NLRP13: variants seen among roughly 807,000 people sequenced by gnomAD.
NLRP13 encodes the protein NACHT, LRR and PYD domains-containing protein 13.
In NLRP13, 82 loss-of-function variants were observed where a neutral mutation model predicts 94.4. The ratio of observed to expected loss-of-function variants is 0.87; its 90% CI spans 0.73 to 1.04. The LOEUF (loss-of-function observed/expected upper bound fraction) is 1.04. NLRP13 is among the 50% of genes least tolerant of loss of function. The pLI is 0.00. For synonymous variants in NLRP13, 553 were observed against 464.7 expected (o/e 1.19, Z -2.45); for missense variants, 1,426 against 1,230.8 (o/e 1.16, Z -2.37).
intron 3 of NLRP13, 41 bp downstream of exon 3, chr19:55,924,549 A>C: frequency 5.6e-6 from 8 of 1,438,090 alleles, no homozygotes; most frequent in Non-Finnish European, 7.8e-6. Flanking sequence ...CGAGTGTTCC[A>C]TCAAGCAACC....
rs896689359 is a variant in NLRP13, at chr19:55,932,246, C to T, written c.66G>A (p.Met22Ile). Residue 22 changes from methionine to isoleucine, a missense_variant, in exon 1 of 11, where the codon ATG (methionine) becomes ATA (isoleucine). Met to Ile is a conservative substitution (Grantham distance 10). Coordinates refer to ENST00000342929, the MANE Select transcript of NLRP13 (RefSeq NM_176810.2). ...CCTCCAGCTGATACTGATCCAGGGC[C>T]ATCAGGTAAGGCAGAAGCCCTTGGT... ...GTNQGLLPYL[M>I]ALDQYQLEEF... The T allele has an allele frequency of 1.2e-6, 2 of 1,612,786 alleles. No homozygotes were observed. The highest frequency in any genetic ancestry group is 1.7e-6 in the Non-Finnish European group (2 of 1,179,672).
At chr19:55,913,548 C>CAAAAAAAAAAAAAAGA (rs1986594874) in intron 4 of NLRP13, among the ~76,000 whole-genome samples, 1 of 52,056 alleles carries the variant, frequency 1.9e-5, no homozygotes, top group East Asian at 6.8e-4. Flanking sequence ...GACTCCGTCT[C>CAAAAAAAAAAAAAAGA]AAAAAAAAAA....
chr19:55,915,252 G>A (rs369570314), intron 4 of NLRP13, among the ~76,000 whole-genome samples: 13 of 152,272 alleles, frequency 8.5e-5, no homozygotes, highest in South Asian at 4.1e-4. Flanking sequence ...AAGGAGGTTC[G>A]AGATGGCTGA....
At position 55,911,903 on chromosome 19, in the gene NLRP13, A is replaced by G; in HGVS notation, c.1914T>C (p.Leu638=). The change falls in exon 5 of 11, where the codon CTT becomes CTC. Residue 638 remains leucine (L), a synonymous_variant. Transcript: ENST00000342929. The stretch of plus-strand genomic sequence containing the variant: ...CCTGGGACTCGTGTAGGCAGTGAAA[A>G]AGTCGTAGAATGTGAAATTGGAGAG... ...SASLQFHILR[L]FHCLHESQEE... is the part of the protein sequence containing the mutation. 6.2e-7 allele frequency: 1 copy of G among 1,614,158 alleles called. No individual in the cohort carries two copies. Among genetic ancestry groups the G allele is most frequent in the East Asian group, 2.2e-5 (1 of 44,888 alleles).
intron 9 of NLRP13, among the ~76,000 whole-genome samples, chr19:55,901,423 A>AGAGAGGG (rs1174315754): frequency 5.3e-5 from 8 of 152,232 alleles, no homozygotes; most frequent in South Asian, 4.1e-4. Flanking sequence ...AGAGTAAGGG[A>AGAGAGGG]GAGAGGGGAG....
intron 1 of NLRP13, among the ~76,000 whole-genome samples, chr19:55,929,209 C>T (rs1987043858): frequency 6.6e-6 from 1 of 152,168 alleles, no homozygotes; most frequent in Non-Finnish European, 1.5e-5. Context: ...TTGTGGAAGA[C>T]AGTGTGGCGA....
intron 6 of NLRP13, 102 bp from the exon 7 acceptor site, chr19:55,908,058 G>C: frequency 1.0e-6 from 1 of 975,080 alleles, no homozygotes; most frequent in Non-Finnish European, 1.5e-6. Context: ...TCACTGCCAA[G>C]GTTATACACG....
intron 9 of NLRP13, 118 bp downstream of exon 9, chr19:55,901,917 C>T: frequency 9.4e-7 from 1 of 1,061,106 alleles, no homozygotes; most frequent in Non-Finnish European, 1.3e-6. Flanking sequence ...AGAAGCTCCT[C>T]CATGGCAAAG....
intron 1 of NLRP13, among the ~76,000 whole-genome samples, chr19:55,928,000 T>G (rs529634634): frequency 2.0e-5 from 3 of 152,276 alleles, no homozygotes. Flanking sequence ...GAAATACTCA[T>G]GGTACAGTTT....
At chr19:55,895,425 G>A (rs1985980279), downstream of NLRP13, among the ~76,000 whole-genome samples, 1 of 151,640 alleles carries the variant, frequency 6.6e-6, no homozygotes, top group South Asian at 2.1e-4. Context: ...GCTCATGCCT[G>A]TAATCCCAGC....
At chr19:55,922,052 CAA>C (rs1292890117) in intron 4 of NLRP13, among the ~76,000 whole-genome samples, 2 of 152,248 alleles carry the variant, frequency 1.3e-5, no homozygotes, top group African/African-American at 4.8e-5. Context: ...AAAGCAGGAG[CAA>C]AGACACAACT....
chr19:55,905,250 G>A, intron 7 of NLRP13, 138 bp from the exon 8 acceptor site: 2 of 991,550 alleles, frequency 2.0e-6, no homozygotes, highest in Non-Finnish European at 2.9e-6. Flanking sequence ...GCTTAAAGAA[G>A]GAGAAAAAGG....
chr19:55,895,736 C>T (rs1408711739), downstream of NLRP13, among the ~76,000 whole-genome samples: 2 of 152,272 alleles, frequency 1.3e-5, no homozygotes, highest in East Asian at 3.9e-4. Context: ...GTCACACTAA[C>T]CATGTTTCAA....
chr19:55,905,528 T>C (rs1986320733), intron 7 of NLRP13, among the ~76,000 whole-genome samples: 1 of 151,786 alleles, frequency 6.6e-6, no homozygotes, highest in Admixed American at 6.6e-5. Flanking sequence ...GGTGTGCACC[T>C]GTAGTCCCAG....
intron 7 of NLRP13, 39 bp from the exon 8 acceptor site, chr19:55,905,151 A>C: frequency 7.5e-6 from 12 of 1,609,016 alleles, no homozygotes; most frequent in Non-Finnish European, 1.0e-5. Context: ...CTCAGCCATG[A>C]TGCCCAGGTT....
At chr19:55,926,470 T>C (rs1986968281) in intron 1 of NLRP13, among the ~76,000 whole-genome samples, 1 of 152,224 alleles carries the variant, frequency 6.6e-6, no homozygotes, top group Non-Finnish European at 1.5e-5. Context: ...CTCCATTCTC[T>C]GGTGAGGCGC....
intron 10 of NLRP13, 36 bp from the exon 11 acceptor site, chr19:55,896,155 CCT>C (rs1449451132): frequency 1.3e-6 from 2 of 1,599,916 alleles, no homozygotes; most frequent in Non-Finnish European, 1.7e-6. Flanking sequence ...AACAGATAGT[CCT>C]CTGAGACTGG....
chr19:55,901,512 TA>T (rs1568687832), intron 9 of NLRP13, among the ~76,000 whole-genome samples: 3 of 152,086 alleles, frequency 2.0e-5, no homozygotes, highest in Non-Finnish European at 4.4e-5. Flanking sequence ...CTAATACTGA[TA>T]AGCCACTGGT....
chr19:55,905,710 G>C (rs896521672), intron 7 of NLRP13, among the ~76,000 whole-genome samples: 3 of 151,938 alleles, frequency 2.0e-5, no homozygotes, highest in African/African-American at 7.3e-5. Context: ...GTGTGGGCTG[G>C]ATTGCACTTA....
Sources: gnomAD v4.1 joint callset for allele counts (sites outside exome capture counted in the v4.1 genomes callset) on GRCh38, gnomAD v4.1.1 for gene constraint, MANE v1.5 for transcripts, NCBI Gene and HGNC (gene_info 2026-07-23, HGNC 2026-07-21) for gene names.